SYNJ2: variants seen among roughly 807,000 people sequenced by gnomAD.
The protein encoded by SYNJ2 is synaptojanin 2.
A neutral mutation model predicts 141.3 loss-of-function variants in SYNJ2; 116 were observed. The observed-to-expected ratio is 0.82, with a 90% confidence interval of 0.71 to 0.96. The LOEUF (loss-of-function observed/expected upper bound fraction) is 0.96. Among genes scored for constraint, SYNJ2 ranks in the 40% least tolerant of loss-of-function variants. The probability of loss-of-function intolerance (pLI) is 0.00; values close to 1 mark genes in which losing one functional copy is unlikely to be tolerated. For missense variants in SYNJ2, 1,873 were observed against 1,934.8 expected (o/e 0.97, Z 0.60); for synonymous variants, 745 against 777.7 (o/e 0.96, Z 0.70).
At chr6:158,063,500 A>G (rs992988161) in intron 8 of SYNJ2, among the ~76,000 whole-genome samples, 1 of 151,992 alleles carries the variant, frequency 6.6e-6, no homozygotes, top group Non-Finnish European at 1.5e-5. Context: ...CTGTACTAAA[A>G]ATACAAAAAT....
intron 8 of SYNJ2, 125 bp downstream of exon 8, chr6:158,062,289 T>A (rs968784671): frequency 6.9e-7 from 1 of 1,450,888 alleles, no homozygotes; most frequent in Non-Finnish European, 9.1e-7. Context: ...GTCTAGGACA[T>A]GTGCCCTATG....
chr6:158,033,337 C>T (rs1028447841), intron 3 of SYNJ2, 118 bp from the exon 4 acceptor site: 4 of 1,077,518 alleles, frequency 3.7e-6, no homozygotes, highest in Non-Finnish European at 5.4e-6. Flanking sequence ...AGCATGCATT[C>T]GCTGACCCGA....
chr6:158,035,502 T>A (rs1347527316), intron 4 of SYNJ2, among the ~76,000 whole-genome samples: 1 of 152,168 alleles, frequency 6.6e-6, no homozygotes, highest in South Asian at 2.1e-4. Context: ...GTATTGATTT[T>A]GTATTCTGAG....
At chr6:158,051,597 G>T (rs1780569044) in intron 5 of SYNJ2, among the ~76,000 whole-genome samples, 1 of 151,976 alleles carries the variant, frequency 6.6e-6, no homozygotes, top group African/African-American at 2.4e-5. Context: ...CACTTCACTT[G>T]TGACCAAAGT....
chr6:158,083,375 A>G, intron 20 of SYNJ2, 54 bp from the exon 21 acceptor site: 1 of 1,590,290 alleles, frequency 6.3e-7, no homozygotes, highest in Non-Finnish European at 8.6e-7. Flanking sequence ...TGTGTGATCA[A>G]CAGGAGGGGT....
At chr6:158,053,579 TCACCCACC>T (rs956190254) in intron 5 of SYNJ2, among the ~76,000 whole-genome samples, 3 of 150,990 alleles carry the variant, frequency 2.0e-5, no homozygotes, top group African/African-American at 7.3e-5. Context: ...ATCCACTCAT[TCACCCACC>T]CACCTGCTTA....
chr6:158,093,039 C>T lies in SYNJ2; in HGVS notation c.3679C>T (p.Leu1227Phe), dbSNP rs1393802921. 6.2e-7 allele frequency: 1 copy of T among 1,611,572 alleles called. No individual in the cohort carries two copies. Among genetic ancestry groups the T allele is most frequent in the Non-Finnish European group, 8.5e-7 (1 of 1,179,410 alleles). The part of the protein sequence containing the change: ...KPETPQAPPL[L>F]PRRPPPRVPA... ...AGAGACCCCACAGGCGCCCCCACTC[C>T]TTCCCCGTCGGCCCCCACCCAGAGT... Residue 1227 changes from leucine (L) to phenylalanine (F), a missense_variant, in exon 26 of 27, where the codon CTT becomes TTT. By Grantham distance (22) the Leu-to-Phe change is conservative (BLOSUM62 0). Coordinates refer to ENST00000355585, the MANE Select transcript of SYNJ2 (RefSeq NM_003898.4).
intron 15 of SYNJ2, among the ~76,000 whole-genome samples, chr6:158,073,379 G>A (rs963828306): frequency 6.6e-6 from 1 of 151,806 alleles, no homozygotes; most frequent in South Asian, 2.1e-4. Context: ...TGTATTTTTA[G>A]TAGAGATGGG....
chr6:158,016,663 C>T (rs1336254782), intron 1 of SYNJ2, among the ~76,000 whole-genome samples: 2 of 152,158 alleles, frequency 1.3e-5, no homozygotes, highest in African/African-American at 4.8e-5. Context: ...TGCATTAAAA[C>T]TAGTACATGC....
intron 5 of SYNJ2, 152 bp from the exon 6 acceptor site, chr6:158,054,815 T>C: frequency 4.3e-6 from 3 of 698,978 alleles, no homozygotes; most frequent in Non-Finnish European, 4.8e-6. Context: ...TCCAGAGAGC[T>C]CAGCCTTCCT....
intron 1 of SYNJ2, among the ~76,000 whole-genome samples, chr6:158,007,660 T>C (rs1187890667): frequency 6.6e-6 from 1 of 152,192 alleles, no homozygotes; most frequent in African/African-American, 2.4e-5. Context: ...GTTTTTGTTT[T>C]AGACGGAGTT....
chr6:158,041,907 G>T (rs1343502696), intron 4 of SYNJ2, among the ~76,000 whole-genome samples: 1 of 152,210 alleles, frequency 6.6e-6, no homozygotes, highest in African/African-American at 2.4e-5. Context: ...AGAGATGGGG[G>T]TCTCACTTTA....
At chr6:158,094,184 G>A in intron 26 of SYNJ2, 2 of 556,292 alleles carry the variant, frequency 3.6e-6, no homozygotes, top group Non-Finnish European at 6.4e-6. Flanking sequence ...TCTGTCCCTT[G>A]TCCATGCTTC....
Position 158,096,491 on chromosome 6 carries a change from T to C in SYNJ2, c.*127T>C. ...AACGTTTGTGCATCTGTCACTCTCG[T>C]GTAGTTTACAAAAATCGTGTCTCTT... is the stretch of plus-strand genomic sequence containing the variant. On this transcript the variant is annotated 3_prime_UTR_variant, in exon 27 of 27. Transcript: ENST00000355585. The C allele has an allele frequency of 1.8e-6, 2 of 1,133,504 alleles. No homozygotes were observed. Among genetic ancestry groups the C allele is most frequent in the South Asian group, 3.4e-5 (2 of 58,608 alleles). 70.2% of individuals were successfully genotyped at this position (1,133,504 alleles called of 1,614,324 possible). A position where few individuals can be genotyped will look rare whatever the true frequency, so the allele number is the denominator to read the frequency against.
rs1344305520 is a variant in SYNJ2 at position 158,064,988 on chromosome 6, C to T, written c.1522C>T (p.Leu508=). ...GGMLLDSTAL[L]VTPRILKAMT... ...CATGCTGCTGGACAGCACGGCGCTC[C>T]TGGGTAGGGCCTGCCGCAGACAGGG... The change falls in exon 11 of 27, where the codon CTG becomes TTG. Residue 508 remains leucine, a synonymous_variant. Coordinates refer to ENST00000355585, the MANE Select transcript of SYNJ2 (RefSeq NM_003898.4). 4 of 1,564,274 alleles carry T rather than the reference C, an allele frequency of 2.6e-6. No homozygotes were observed. In the African/African-American group the frequency reaches 5.4e-5, roughly 21 times the overall value.
At chr6:158,092,874 G>T in intron 25 of SYNJ2, 52 bp from the exon 26 acceptor site, 1 of 1,489,690 alleles carries the variant, frequency 6.7e-7, no homozygotes. Flanking sequence ...ACGAAATCAT[G>T]CAGTGAATTG....
chr6:158,074,664 TA>T lies in SYNJ2; in HGVS notation c.2219del (p.Tyr740PhefsTer84). ...RIDLTYEEVF[Y>X]FVKRQDWKKL... ...TGATCTTACTTATGAAGAAGTCTTC[TA>T]TTTTGTTAAACGCCAAGACTGGAAG... On this transcript the variant is annotated frameshift_variant, in exon 16 of 27. Coordinates refer to ENST00000355585, the MANE Select transcript of SYNJ2 (RefSeq NM_003898.4). LOFTEE classifies it high-confidence loss of function. The T allele has an allele frequency of 6.2e-7, 1 of 1,614,178 alleles. No individual in the cohort carries two copies. The highest frequency in any genetic ancestry group is 8.5e-7 in the Non-Finnish European group (1 of 1,180,028).
intron 2 of SYNJ2, chr6:158,028,429 G>T (rs570712165): frequency 1.7e-4 from 64 of 365,944 alleles, no homozygotes; most frequent in Non-Finnish European, 3.1e-4. Context: ...AGACTCCTGG[G>T]GGCATCAGAA....
chr6:158,090,025 C>G lies in SYNJ2; in HGVS notation c.3565+78C>G. ...CTCCCTGCTAAAAGTGGTCTAGAAA[C>G]GAAAATAACTCTTTTTATTCTTCTG... On this transcript the variant is annotated intron_variant, in intron 25 of 26. Transcript: ENST00000355585. 3.2e-6 allele frequency: 3 copies of G among 937,840 alleles called. No homozygotes were observed. The South Asian group carries it at 4.2e-5, about 13-fold the overall frequency. The allele number at this position is 937,840 out of a possible 1,614,324, so 58.1% of individuals were successfully genotyped here.
Sources: allele counts gnomAD v4.1 joint callset (sites outside exome capture counted in the v4.1 genomes callset), GRCh38; gene constraint gnomAD v4.1.1; transcripts MANE v1.5; gene names NCBI Gene and HGNC (gene_info 2026-07-23, HGNC 2026-07-21).